KAT6A: variants seen among roughly 807,000 people sequenced by gnomAD.
KAT6A encodes lysine acetyltransferase 6A, also known as histone acetyltransferase KAT6A.
A neutral mutation model predicts 198.4 loss-of-function variants in KAT6A; 9 were observed. The ratio of observed to expected loss-of-function variants is 0.05; its 90% CI spans 0.03 to 0.08. The LOEUF (loss-of-function observed/expected upper bound fraction) is 0.08. Ranked by LOEUF, KAT6A falls within the 10% of genes least tolerant of loss-of-function variation. The pLI, the probability that KAT6A is intolerant of heterozygous loss-of-function variation, is 1.00. For synonymous variants in KAT6A, 890 were observed against 883.0 expected, an observed-to-expected ratio of 1.01 and a Z score of -0.14; for missense variants, 2,077 against 2,509.9, an observed-to-expected ratio of 0.83 and a Z score of 3.69.
At chr8:41,943,537 A>G (rs991737152) in intron 13 of KAT6A, among the ~76,000 whole-genome samples, 6 of 152,210 alleles carry the variant, frequency 3.9e-5, no homozygotes, top group Admixed American at 1.3e-4. Context: ...CAGAAAAACA[A>G]TTCAGTTTAA....
intron 12 of KAT6A, among the ~76,000 whole-genome samples, chr8:41,946,025 G>C (rs1422623659): frequency 2.8e-5 from 4 of 142,786 alleles, no homozygotes; most frequent in Non-Finnish European, 6.0e-5. Context: ...GCGAGACTCT[G>C]TCTCTCAAAA....
chr8:42,046,520 G>T (rs1037593000), intron 2 of KAT6A, among the ~76,000 whole-genome samples: 2 of 152,178 alleles, frequency 1.3e-5, no homozygotes, highest in African/African-American at 4.8e-5. Context: ...GACAGAACGA[G>T]ATTCTGTCTC....
At chr8:41,959,319 G>A (rs2150874007) in intron 8 of KAT6A, among the ~76,000 whole-genome samples, 1 of 152,234 alleles carries the variant, frequency 6.6e-6, no homozygotes, top group South Asian at 2.1e-4. Context: ...CCATTAGGAT[G>A]GTTATTATTT....
At chr8:41,990,449 ACAACAAATTTAAC>A (rs1824877733) in intron 2 of KAT6A, among the ~76,000 whole-genome samples, 1 of 152,234 alleles carries the variant, frequency 6.6e-6, no homozygotes. Context: ...TAAGACATTA[ACAACAAATTTAAC>A]CAACAAATGG....
chr8:41,932,335 G>C lies in KAT6A; in HGVS notation c.5885C>G (p.Ala1962Gly), dbSNP rs1246553268. ...AGGCTGCATAGGCTGCTGGGTATAG[G>C]CCTGGCTCCCCATCATTCCCATCTG... ...QMQMGMMGSQ[A>G]YTQQPMQPNP... The change falls in exon 17 of 17, where the codon GCC (alanine) becomes GGC (glycine). Residue 1962 changes from alanine to glycine, a missense_variant. Ala to Gly is a moderately conservative substitution (Grantham distance 60, BLOSUM62 0). Coordinates refer to ENST00000265713, the MANE Select transcript of KAT6A (RefSeq NM_006766.5). 6.2e-7 allele frequency: 1 copy of C among 1,614,172 alleles called. No individual in the cohort carries two copies. Among genetic ancestry groups the C allele is most frequent in the Non-Finnish European group, 8.5e-7 (1 of 1,180,034 alleles).
chr8:42,019,472 T>C (rs1441263626), intron 2 of KAT6A, among the ~76,000 whole-genome samples: 1 of 152,248 alleles, frequency 6.6e-6, no homozygotes, highest in Non-Finnish European at 1.5e-5. Flanking sequence ...AGGCTCACTA[T>C]TTTCTAGTGC....
At chr8:42,051,392 G>A (rs1454223866) in intron 1 of KAT6A, among the ~76,000 whole-genome samples, 1 of 151,496 alleles carries the variant, frequency 6.6e-6, no homozygotes, top group Non-Finnish European at 1.5e-5. Context: ...CGGAGCCAAA[G>A]CCGGAGCCGG....
intron 1 of KAT6A, among the ~76,000 whole-genome samples, chr8:42,051,560 C>G (rs1454678815): frequency 6.9e-6 from 1 of 144,726 alleles, no homozygotes; most frequent in African/African-American, 2.5e-5. Context: ...CTGGGCCGCT[C>G]GCCGCCCGCC....
chr8:42,037,420 G>A (rs567500272), intron 2 of KAT6A, among the ~76,000 whole-genome samples: 1 of 152,262 alleles, frequency 6.6e-6, no homozygotes, highest in South Asian at 2.1e-4. Context: ...TAATGTTTCT[G>A]AGAGTTCTGT....
At chr8:42,008,896 T>C (rs1265917869) in intron 2 of KAT6A, among the ~76,000 whole-genome samples, 1 of 152,176 alleles carries the variant, frequency 6.6e-6, no homozygotes, top group East Asian at 1.9e-4. Flanking sequence ...TAGAAGACAT[T>C]TTAAAATTGT....
At chr8:41,953,849 T>C (rs749618083) in intron 9 of KAT6A, among the ~76,000 whole-genome samples, 11 of 152,236 alleles carry the variant, frequency 7.2e-5, no homozygotes, top group African/African-American at 7.2e-5. Flanking sequence ...CTGTAGGTAG[T>C]TGAGGAAGTT....
intron 2 of KAT6A, among the ~76,000 whole-genome samples, chr8:41,993,288 T>A (rs748307203): frequency 7.2e-5 from 11 of 152,196 alleles, no homozygotes; most frequent in Non-Finnish European, 1.3e-4. Context: ...TATCAAATAA[T>A]CCCAGTCTTA....
At chr8:42,026,817 G>A (rs766037555) in intron 2 of KAT6A, among the ~76,000 whole-genome samples, 4 of 152,262 alleles carry the variant, frequency 2.6e-5, no homozygotes, top group African/African-American at 4.8e-5. Flanking sequence ...TACGAGTTGT[G>A]AGAGTGGGTA....
chr8:41,965,921 T>C (rs1823460857), intron 8 of KAT6A, among the ~76,000 whole-genome samples: 1 of 152,178 alleles, frequency 6.6e-6, no homozygotes, highest in Non-Finnish European at 1.5e-5. Flanking sequence ...CATTTACCCA[T>C]TAAATATAAG....
Position 41,933,743 on chromosome 8 carries a change from A to G in KAT6A, c.4477T>C (p.Ser1493Pro). 1 of 1,614,094 alleles carries G rather than the reference A, an allele frequency of 6.2e-7. No individual in the cohort carries two copies. The highest frequency in any genetic ancestry group is 8.5e-7 in the Non-Finnish European group (1 of 1,180,020). The change falls in exon 17 of 17, where the codon TCA (serine) becomes CCA (proline). Residue 1493 changes from serine to proline, a missense_variant. Coordinates refer to ENST00000265713, the MANE Select transcript of KAT6A (RefSeq NM_006766.5). This position sits in a 1 kb window ranked among gnomAD's most constrained non-coding sequence, Gnocchi z 6.2. ...TTGGGACTGCTGACCGAACGGACTGACTGGCTGGGGTGAGACTGAACGGAG... is the reference window on the plus strand; with the variant it reads ...TTGGGACTGCTGACCGAACGGACTGGCTGGCTGGGGTGAGACTGAACGGAG... ...ISSVQSHPSQ[S>P]VRSVSSPNVP...
intron 1 of KAT6A, among the ~76,000 whole-genome samples, chr8:42,051,609 A>C: frequency 7.0e-6 from 1 of 142,354 alleles, no homozygotes; most frequent in South Asian, 2.2e-4. Context: ...GGCCGGCGGG[A>C]TCGGGGGCGC....
At chr8:41,948,613 G>A (rs917796593) in intron 10 of KAT6A, among the ~76,000 whole-genome samples, 2 of 151,346 alleles carry the variant, frequency 1.3e-5, no homozygotes, top group Non-Finnish European at 3.0e-5. Flanking sequence ...GATACTAACA[G>A]AACTCCTCAA....
rs563655275 is a variant in KAT6A at position 41,982,207 on chromosome 8, A to T, written c.710-253T>A. ...ATTAAAAAAAACTTGACAAACTCCAAACTTTTATTAAGCCTACATCAAAGC... is the reference window on the plus strand; with the variant it reads ...ATTAAAAAAAACTTGACAAACTCCATACTTTTATTAAGCCTACATCAAAGC... On this transcript the variant is annotated intron_variant, in intron 3 of 16. Coordinates refer to ENST00000265713, the MANE Select transcript of KAT6A (RefSeq NM_006766.5). 3.9e-5 allele frequency among the ~76,000 whole-genome samples: 6 copies of T among 152,202 alleles called. No homozygotes were observed. The South Asian group carries it at 8.3e-4, about 21-fold the overall frequency.
At position 41,937,524 on chromosome 8, in the gene KAT6A, G is replaced by A. The variant is rs778358353; in HGVS notation, c.3084C>T (p.His1028=). ...TTTCTGTGACTACACTGCTATTGTGGTGTTTGCGCTTTCGGACTCTCCTCC... is the reference window on the plus strand; with the variant it reads ...TTTCTGTGACTACACTGCTATTGTGATGTTTGCGCTTTCGGACTCTCCTCC... ...HRRRRVRKRK[H]HNSSVVTETI... Residue 1028 remains histidine (H), a synonymous_variant, in exon 16 of 17, where the codon CAC becomes CAT. Coordinates refer to ENST00000265713, the MANE Select transcript of KAT6A (RefSeq NM_006766.5). 4.3e-6 allele frequency: 7 copies of A among 1,613,946 alleles called. No individual in the cohort carries two copies. Among genetic ancestry groups the A allele is most frequent in the Non-Finnish European group, 5.9e-6 (7 of 1,179,920 alleles).
Sources: gnomAD v4.1 joint callset for allele counts (sites outside exome capture counted in the v4.1 genomes callset) on GRCh38, gnomAD v4.1.1 for gene constraint, Gnocchi (gnomAD v3.1) non-coding constraint, MANE v1.5 for transcripts, NCBI Gene and HGNC (gene_info 2026-07-23, HGNC 2026-07-21) for gene names.